The following NME7 variants were observed in gnomAD, a reference collection of about 807,000 sequenced individuals.
NME7 encodes the protein NME/NM23 family member 7, also known as nucleoside diphosphate kinase 7.
Under a neutral mutation model 49.1 loss-of-function variants are expected in NME7, and 41 were observed. That is an observed-to-expected ratio of 0.83 (90% CI 0.65 to 1.08). NME7 has a LOEUF of 1.08. Among genes scored for constraint, NME7 ranks in the 50% least tolerant of loss-of-function variants. NME7 has a pLI of 0.00. For synonymous variants in NME7, 139 were observed against 150.6 expected (o/e 0.92, Z 0.56); for missense variants, 423 against 463.4 (o/e 0.91, Z 0.80).
At chr1:169,203,848 A>G (rs1660611440) in intron 10 of NME7, among the ~76,000 whole-genome samples, 1 of 151,804 alleles carries the variant, frequency 6.6e-6, no homozygotes, top group African/African-American at 2.4e-5. Context: ...ATGGCTGGGA[A>G]CTCGTTTATT....
chr1:169,143,266 C>A (rs12724494), intron 11 of NME7, among the ~76,000 whole-genome samples: 1 of 142,798 alleles, frequency 7.0e-6, no homozygotes, highest in South Asian at 2.2e-4. Context: ...TCCAGTGTCA[C>A]CTCAGGCTTT....
intron 11 of NME7, among the ~76,000 whole-genome samples, chr1:169,159,647 C>T (rs1659186247): frequency 6.6e-6 from 1 of 152,156 alleles, no homozygotes; most frequent in Non-Finnish European, 1.5e-5. Context: ...CTTCATAGGC[C>T]TCTTAGCCTT....
At chr1:169,354,564 G>A (rs1197897270) in intron 1 of NME7, among the ~76,000 whole-genome samples, 1 of 150,948 alleles carries the variant, frequency 6.6e-6, no homozygotes, top group East Asian at 1.9e-4. Context: ...AATACTTGAG[G>A]AAATGGATAC....
At chr1:169,310,428 C>T (rs77658947) in intron 3 of NME7, among the ~76,000 whole-genome samples, 2,199 of 152,198 alleles carry the variant, frequency 0.014, 47 homozygotes, top group African/African-American at 0.048. Flanking sequence ...TAAAACATTG[C>T]ATTAAATATA....
intron 10 of NME7, among the ~76,000 whole-genome samples, chr1:169,175,455 G>C (rs1659724603): frequency 6.6e-6 from 1 of 152,044 alleles, no homozygotes; most frequent in Non-Finnish European, 1.5e-5. Flanking sequence ...TCATTATCAA[G>C]TATTATGTAC....
rs1651911630 is a variant in NME7, at chr1:169,323,022, C to T, written c.278+95G>A. On this transcript the variant is annotated intron_variant, in intron 3 of 11. Coordinates refer to ENST00000367811, the MANE Select transcript of NME7 (RefSeq NM_013330.5). The stretch of plus-strand genomic sequence containing the variant: ...AGACAACCATTTTCCAGGTCCTATC[C>T]ATCCTCATATGGTTACATACTCCCA... 4 of 961,556 alleles carry T rather than the reference C, an allele frequency of 4.2e-6. No individual in the cohort carries two copies. The South Asian group carries it at 9.5e-5, about 23-fold the overall frequency. 59.6% of individuals were successfully genotyped at this position (961,556 alleles called of 1,614,324 possible).
chr1:169,313,177 T>C (rs1236741227), intron 3 of NME7, among the ~76,000 whole-genome samples: 2 of 130,752 alleles, frequency 1.5e-5, no homozygotes, highest in African/African-American at 5.5e-5. Flanking sequence ...ATAAATTGAC[T>C]AGATCATAAA....
In NME7 at chr1:169,287,690, T is replaced by C. The variant is rs1650332351; in HGVS notation, c.649-282A>G. On this transcript the variant is annotated intron_variant, in intron 6 of 11. Coordinates refer to ENST00000367811, the MANE Select transcript of NME7 (RefSeq NM_013330.5). The stretch of plus-strand genomic sequence containing the variant: ...ATAGTGGACAAAGATTTAATAAATT[T>C]TGAATATTGGAAATACCAATATAAA... 3.3e-5 allele frequency among the ~76,000 whole-genome samples: 5 copies of C among 152,284 alleles called. No individual in the cohort carries two copies. The South Asian group carries it at 1.0e-3, about 32-fold the overall frequency.
chr1:169,250,611 C>G (rs1164376509), intron 7 of NME7, among the ~76,000 whole-genome samples: 1 of 151,898 alleles, frequency 6.6e-6, no homozygotes, highest in Non-Finnish European at 1.5e-5. Flanking sequence ...AGGTATTTAG[C>G]ACTATAAATT....
At chr1:169,224,095 C>G (rs1311593512) in intron 10 of NME7, among the ~76,000 whole-genome samples, 2 of 152,204 alleles carry the variant, frequency 1.3e-5, no homozygotes, top group African/African-American at 4.8e-5. Context: ...TCATCTCACA[C>G]AGGCTTCAAT....
intron 1 of NME7, among the ~76,000 whole-genome samples, chr1:169,355,420 T>A (rs1653436327): frequency 7.2e-6 from 1 of 138,904 alleles, no homozygotes. Context: ...CCCATAAAAA[T>A]TTTAATTTTG....
rs929869334 is a variant in NME7 at position 169,274,634 on chromosome 1, A to G, written c.754+12669T>C. Among the ~76,000 whole-genome samples the G allele has an allele frequency of 8.3e-5, 11 of 133,118 alleles. 4 individuals carry two copies. Among genetic ancestry groups the G allele is most frequent in the Non-Finnish European group, 1.6e-4 (9 of 56,598 alleles). The allele number at this position is 133,118 out of a possible 152,430, so 87.3% of individuals were successfully genotyped here. ...TTAAGTCTTTAATCCATCTTGAATTAATTTTTGTATAAGGTGTAAGGAAGG... is the reference window on the plus strand; with the variant it reads ...TTAAGTCTTTAATCCATCTTGAATTGATTTTTGTATAAGGTGTAAGGAAGG... On this transcript the variant is annotated intron_variant, in intron 7 of 11. Transcript: ENST00000367811.
intron 1 of NME7, among the ~76,000 whole-genome samples, chr1:169,343,417 AG>A (rs1652848261): frequency 6.6e-6 from 1 of 151,988 alleles, no homozygotes; most frequent in African/African-American, 2.4e-5. Flanking sequence ...TTTACCATGA[AG>A]GGTTTATTTC....
chr1:169,192,453 T>A (rs557942503), intron 10 of NME7, among the ~76,000 whole-genome samples: 2 of 152,306 alleles, frequency 1.3e-5, no homozygotes, highest in South Asian at 4.1e-4. Flanking sequence ...TAGGTATAAG[T>A]AAACTAGAGA....
chr1:169,174,011 A>G (rs1451867066), intron 10 of NME7, among the ~76,000 whole-genome samples: 1 of 152,204 alleles, frequency 6.6e-6, no homozygotes, highest in Non-Finnish European at 1.5e-5. Flanking sequence ...AATTCCAGGC[A>G]TATTCATCCT....
chr1:169,237,281 T>C (rs185992785), intron 8 of NME7, among the ~76,000 whole-genome samples: 283 of 152,210 alleles, frequency 1.9e-3, no homozygotes, highest in Non-Finnish European at 3.2e-3. Context: ...AGAAAACTCA[T>C]CACAATTTCT....
intron 11 of NME7, among the ~76,000 whole-genome samples, chr1:169,162,669 C>T (rs545084789): frequency 1.3e-5 from 2 of 150,212 alleles, no homozygotes; most frequent in East Asian, 1.9e-4. Context: ...CACGATGAGA[C>T]CCCATCTTTA....
intron 3 of NME7, among the ~76,000 whole-genome samples, chr1:169,316,593 A>C (rs1292923657): frequency 6.6e-6 from 1 of 152,184 alleles, no homozygotes; most frequent in Non-Finnish European, 1.5e-5. Flanking sequence ...CCTGGGCCCA[A>C]TCTCATCACA....
At position 169,251,638 on chromosome 1, in the gene NME7, C is replaced by T. The variant is rs566325582; in HGVS notation, c.755-13951G>A. Among the ~76,000 whole-genome samples the T allele has an allele frequency of 1.6e-3, 235 of 146,042 alleles. 1 individual carries two copies. Among genetic ancestry groups the T allele is most frequent in the Admixed American group, 4.4e-3 (64 of 14,384 alleles). ...GGTTAGTTACATATGTATACATGTG[C>T]CATGCTGGTGCACTGCACCCACTAA... On this transcript the variant is annotated intron_variant, in intron 7 of 11. Transcript: ENST00000367811.
Sources: gnomAD v4.1 joint callset for allele counts (sites outside exome capture counted in the v4.1 genomes callset) on GRCh38, gnomAD v4.1.1 for gene constraint, MANE v1.5 for transcripts, NCBI Gene and HGNC (gene_info 2026-07-23, HGNC 2026-07-21) for gene names.